Variants in ATP11A observed in about 807,000 individuals in gnomAD.
ATP11A encodes phospholipid-transporting ATPase IH.
In ATP11A, 81 loss-of-function variants were observed where a neutral mutation model predicts 154.4. That is an observed-to-expected ratio of 0.52 (90% confidence interval 0.44 to 0.63). The LOEUF is 0.63. Ranked by LOEUF, ATP11A falls within the 30% of genes least tolerant of loss-of-function variation. The pLI, the probability that ATP11A is intolerant of heterozygous loss-of-function variation, is 0.00. For synonymous variants in ATP11A, 623 were observed against 585.9 expected, an observed-to-expected ratio of 1.06 and a Z score of -0.91; for missense variants, 1,316 against 1,474.3, an observed-to-expected ratio of 0.89 and a Z score of 1.76.
intron 1 of ATP11A, among the ~76,000 whole-genome samples, chr13:112,751,552 A>G (rs1026652299): frequency 1.3e-4 from 19 of 151,938 alleles, no homozygotes; most frequent in African/African-American, 2.9e-4. Flanking sequence ...CCCAGCTACT[A>G]GGGAGGCTGA....
Position 112,838,891 on chromosome 13 carries a change from C to G in ATP11A, c.1705+2640C>G, listed in dbSNP as rs889873000. On this transcript the variant is annotated intron_variant, in intron 16 of 29. Transcript: ENST00000375645. The surrounding 1 kb of genome is among the most constrained non-coding windows in gnomAD (Gnocchi z 7.3). ...TCCCCGGAGAGGTTCACTAATTGCA[C>G]TGGAGTTCTCCCTGCTGGGCGGGGA... is the stretch of plus-strand genomic sequence containing the variant. Among the ~76,000 whole-genome samples, 1 of 152,206 alleles carries G rather than the reference C, an allele frequency of 6.6e-6. No homozygotes were observed. The highest frequency in any genetic ancestry group is 1.5e-5 in the Non-Finnish European group (1 of 68,024).
chr13:112,767,595 G>A (rs2139922587), intron 1 of ATP11A, among the ~76,000 whole-genome samples: 1 of 152,142 alleles, frequency 6.6e-6, no homozygotes, highest in African/African-American at 2.4e-5. Flanking sequence ...CAGAATATCT[G>A]TGACTGTCTG....
chr13:112,751,229 T>C (rs1180404034), intron 1 of ATP11A, among the ~76,000 whole-genome samples: 2 of 152,216 alleles, frequency 1.3e-5, no homozygotes, highest in East Asian at 3.8e-4. Context: ...GCATGTGTCT[T>C]GGTATTGTTT....
rs1280871328 is a variant in ATP11A at position 112,746,412 on chromosome 13, C to T, written c.40-38723C>T. ...GGTTCCCCACGTCCTCACCGGGTAA[C>T]TGGGGTTCCGGCTCCCCGCGTCCTC... is the stretch of plus-strand genomic sequence containing the variant. On this transcript the variant is annotated intron_variant, in intron 1 of 29. Coordinates refer to ENST00000375645, the MANE Select transcript of ATP11A (RefSeq NM_015205.3). This position sits in a 1 kb window ranked among gnomAD's most constrained non-coding sequence, Gnocchi z 4.1. 6.6e-6 allele frequency: 1 copy of T among 151,778 alleles called. No homozygotes were observed. Among genetic ancestry groups the T allele is most frequent in the African/African-American group, 2.4e-5 (1 of 41,306 alleles). The allele number at this position is 151,778 out of a possible 1,614,324, so 9.4% of individuals were successfully genotyped here.
intron 8 of ATP11A, 44 bp downstream of exon 8, chr13:112,819,994 T>C: frequency 6.6e-7 from 1 of 1,524,668 alleles, no homozygotes; most frequent in South Asian, 1.2e-5. Flanking sequence ...ACCTCCCTTG[T>C]TGCGTTAGAA....
intron 1 of ATP11A, among the ~76,000 whole-genome samples, chr13:112,704,588 T>G (rs1363499563): frequency 1.3e-5 from 2 of 152,122 alleles, no homozygotes; most frequent in Admixed American, 1.3e-4. Flanking sequence ...GGTGTCCCCC[T>G]CCCTCTGTAC....
chr13:112,846,461 T>C (rs1469169558), intron 17 of ATP11A, among the ~76,000 whole-genome samples: 2 of 152,190 alleles, frequency 1.3e-5, no homozygotes, highest in Non-Finnish European at 2.9e-5. Flanking sequence ...GTCTAGAAAT[T>C]CCGCCAGCGT....
rs945019803 is a variant in ATP11A, at chr13:112,859,589, C to T, written c.2727+137C>T. ...ACGAGGGAGCCAGGGTGCCCAGCAG[C>T]AGGCGGGGGTGAAGGGTCGGGCCTG... On this transcript the variant is annotated intron_variant, in intron 23 of 29. Coordinates refer to ENST00000375645, the MANE Select transcript of ATP11A (RefSeq NM_015205.3). The surrounding 1 kb of genome is among the most constrained non-coding windows in gnomAD (Gnocchi z 4.3). 2 of 778,618 alleles carry T rather than the reference C, an allele frequency of 2.6e-6. No homozygotes were observed. The highest frequency in any genetic ancestry group is 2.9e-5 in the South Asian group (2 of 67,980). The allele number at this position is 778,618 out of a possible 1,614,324, so 48.2% of individuals were successfully genotyped here.
intron 1 of ATP11A, among the ~76,000 whole-genome samples, chr13:112,756,264 C>T (rs915215498): frequency 1.3e-5 from 2 of 152,188 alleles, no homozygotes; most frequent in African/African-American, 4.8e-5. Context: ...GCTGGCTGTG[C>T]GAATCGACCT....
intron 1 of ATP11A, among the ~76,000 whole-genome samples, chr13:112,738,643 C>T (rs1169770482): frequency 6.6e-6 from 1 of 152,160 alleles, no homozygotes; most frequent in Non-Finnish European, 1.5e-5. Context: ...TGTGCTGGCC[C>T]AAGGCAATGT....
intron 17 of ATP11A, among the ~76,000 whole-genome samples, chr13:112,844,908 C>T (rs1432130426): frequency 7.5e-6 from 1 of 132,876 alleles, no homozygotes; most frequent in Non-Finnish European, 1.5e-5. Flanking sequence ...GGTACTAGTC[C>T]AGTTACTGGG....
chr13:112,777,165 C>T (rs1049074404), intron 1 of ATP11A, among the ~76,000 whole-genome samples: 10 of 151,594 alleles, frequency 6.6e-5, no homozygotes, highest in African/African-American at 2.4e-4. Context: ...CCACCAAGCT[C>T]AGGCGCTGGC....
chr13:112,810,348 AG>A (rs2078454277), intron 4 of ATP11A, among the ~76,000 whole-genome samples: 1 of 152,250 alleles, frequency 6.6e-6, no homozygotes, highest in Admixed American at 6.5e-5. Context: ...ACAGTTGTAT[AG>A]TACTTATACA....
intron 10 of ATP11A, 106 bp downstream of exon 10, chr13:112,824,531 T>A: frequency 2.0e-6 from 2 of 997,090 alleles, no homozygotes; most frequent in Non-Finnish European, 3.1e-6. Flanking sequence ...TTTGCCACTG[T>A]ACAGCATCTT....
At chr13:112,835,202 C>T (rs2079199454) in intron 15 of ATP11A, among the ~76,000 whole-genome samples, 1 of 152,238 alleles carries the variant, frequency 6.6e-6, no homozygotes, top group African/African-American at 2.4e-5. Context: ...TAGGGACTGT[C>T]TCTGTCCCAA....
intron 1 of ATP11A, among the ~76,000 whole-genome samples, chr13:112,695,033 A>G (rs567294274): frequency 5.3e-5 from 8 of 152,360 alleles, no homozygotes; most frequent in South Asian, 2.1e-4. Flanking sequence ...CCCTTCTGAA[A>G]GACAGACTTA....
chr13:112,810,822 G>A (rs2078472609), intron 5 of ATP11A, 96 bp downstream of exon 5: 1 of 1,054,496 alleles, frequency 9.5e-7, no homozygotes, highest in South Asian at 1.4e-5. Flanking sequence ...TCCAGTCCCA[G>A]CTACTCAGGA....
intron 2 of ATP11A, among the ~76,000 whole-genome samples, chr13:112,794,474 T>C (rs1048898085): frequency 2.0e-5 from 3 of 152,184 alleles, no homozygotes; most frequent in Non-Finnish European, 4.4e-5. Flanking sequence ...ATAACCCTCC[T>C]TTTGACAATA....
At chr13:112,751,164 G>A (rs1294581468) in intron 1 of ATP11A, among the ~76,000 whole-genome samples, 5 of 152,182 alleles carry the variant, frequency 3.3e-5, no homozygotes, top group African/African-American at 1.2e-4. Flanking sequence ...CGGTGTAAGC[G>A]CGTCTTCGTG....
Sources: gnomAD v4.1 joint callset for allele counts (sites outside exome capture counted in the v4.1 genomes callset) on GRCh38, gnomAD v4.1.1 for gene constraint, Gnocchi (gnomAD v3.1) non-coding constraint, MANE v1.5 for transcripts, NCBI Gene and HGNC (gene_info 2026-07-23, HGNC 2026-07-21) for gene names.